Variants in MLH3 observed in about 807,000 individuals in gnomAD.
MLH3 encodes mutL homolog 3.
MLH3 carries 82 observed loss-of-function variants against 122.2 expected under a neutral mutation model. The observed-to-expected ratio is 0.67, with a 90% CI of 0.56 to 0.81. The LOEUF (loss-of-function observed/expected upper bound fraction) is 0.81, where lower values mean the gene tolerates loss of function less well. MLH3 is among the 30% of genes least tolerant of loss of function. The probability of loss-of-function intolerance (pLI) is 0.00; values close to 1 mark genes in which losing one functional copy is unlikely to be tolerated. For missense variants in MLH3, 1,539 were observed against 1,714.5 expected (o/e 0.90, Z 1.81); for synonymous variants, 524 against 599.5 (o/e 0.87, Z 1.84).
chr14:75,032,279 G>C, intron 7 of MLH3, 100 bp from the exon 8 acceptor site: 1 of 777,926 alleles, frequency 1.3e-6, no homozygotes, highest in Non-Finnish European at 2.3e-6. Context: ...CTAATGCAAA[G>C]CAGAATGTTT....
At chr14:75,026,827 A>C (rs781631348) in intron 9 of MLH3, among the ~76,000 whole-genome samples, 1 of 152,170 alleles carries the variant, frequency 6.6e-6, no homozygotes, top group Non-Finnish European at 1.5e-5. Flanking sequence ...GGCTGGGTGC[A>C]GTGGCTCACA....
rs767139771 is a variant in MLH3 at position 75,047,061 on chromosome 14, G to C, written c.2595C>G (p.Asp865Glu). ...ELSLFNRKPL[D>E]LEKSSESLAS... ...CTAGTGATTCAGATGACTTCTCAAG[G>C]TCCAAAGGTTTTCTATTAAAGAGAG... The change falls in exon 2 of 13, where the codon GAC becomes GAG. Residue 865 changes from aspartate to glutamate, a missense_variant. Coordinates refer to ENST00000355774, the MANE Select transcript of MLH3 (RefSeq NM_001040108.2). 1 of 1,614,098 alleles carries C rather than the reference G, an allele frequency of 6.2e-7. No homozygotes were observed. Among genetic ancestry groups the C allele is most frequent in the South Asian group, 1.1e-5 (1 of 91,068 alleles).
At chr14:75,027,686 A>AAAAAAAAAAC (rs1566580490) in intron 9 of MLH3, among the ~76,000 whole-genome samples, 1 of 149,586 alleles carries the variant, frequency 6.7e-6, no homozygotes, top group Non-Finnish European at 1.5e-5. Context: ...AAAAAAAAAA[A>AAAAAAAAAAC]AAAAAAAACC....
chr14:75,045,395 G>T (rs117675368), intron 2 of MLH3, among the ~76,000 whole-genome samples: 2,198 of 152,250 alleles, frequency 0.014, 26 homozygotes, highest in Non-Finnish European at 0.024. Flanking sequence ...AACACATCAA[G>T]GAGATTTTAC....
intron 11 of MLH3, 36 bp from the exon 12 acceptor site, chr14:75,019,016 A>G: frequency 6.3e-7 from 1 of 1,598,344 alleles, no homozygotes. Flanking sequence ...GTTATAGTGT[A>G]TATAGTGGGA....
intron 9 of MLH3, 102 bp from the exon 10 acceptor site, chr14:75,023,120 C>T (rs1170549600): frequency 2.5e-5 from 33 of 1,344,046 alleles, no homozygotes; most frequent in Non-Finnish European, 3.5e-5. Flanking sequence ...ATCATGCCTC[C>T]TGAAAGAAAG....
intron 9 of MLH3, among the ~76,000 whole-genome samples, chr14:75,024,858 C>T (rs780574927): frequency 6.6e-6 from 1 of 152,156 alleles, no homozygotes; most frequent in Non-Finnish European, 1.5e-5. Flanking sequence ...TTTCTGGTTA[C>T]ATATTAGGGA....
In MLH3 at chr14:75,042,271, C is replaced by T. The variant is rs1034684616; in HGVS notation, c.3379+108G>A. On this transcript the variant is annotated intron_variant, in intron 3 of 12. Transcript: ENST00000355774. ...CAGGGCCGTGGGGAATTCCTGATTC[C>T]AGTACAGCACAGCTGGCACTGATCA... The T allele has an allele frequency of 3.3e-6, 3 of 919,740 alleles. No individual in the cohort carries two copies. The African/African-American group carries it at 4.9e-5, about 15-fold the overall frequency. 57.0% of individuals were successfully genotyped at this position (919,740 alleles called of 1,614,324 possible). A position where few individuals can be genotyped will look rare whatever the true frequency, so the allele number is the denominator to read the frequency against.
intron 8 of MLH3, among the ~76,000 whole-genome samples, 183 bp downstream of exon 8, chr14:75,031,885 G>A (rs1313000718): frequency 6.6e-6 from 1 of 152,234 alleles, no homozygotes; most frequent in Non-Finnish European, 1.5e-5. Flanking sequence ...CAAACAGCCT[G>A]TGGAGTCAGA....
At chr14:75,045,520 ATGTAGTAC>A (rs1892148481) in intron 2 of MLH3, among the ~76,000 whole-genome samples, 1 of 152,196 alleles carries the variant, frequency 6.6e-6, no homozygotes, top group Non-Finnish European at 1.5e-5. Flanking sequence ...AAGCTCATAA[ATGTAGTAC>A]TGTACTAAGC....
intron 6 of MLH3, among the ~76,000 whole-genome samples, chr14:75,036,971 C>A (rs943775191): frequency 6.6e-6 from 1 of 151,966 alleles, no homozygotes; most frequent in Admixed American, 6.6e-5. Flanking sequence ...CTCCACACTA[C>A]AACCAGAGCA....
At chr14:75,035,824 CA>C in intron 6 of MLH3, among the ~76,000 whole-genome samples, 1 of 151,996 alleles carries the variant, frequency 6.6e-6, no homozygotes, top group Non-Finnish European at 1.5e-5. Context: ...GCATCCCTTG[CA>C]AATGTGCTCA....
rs1889782936 is a variant in MLH3 at position 75,014,157 on chromosome 14, GCTTCCT to G, written c.*2919_*2924del. On this transcript the variant is annotated 3_prime_UTR_variant, in exon 13 of 13. Transcript: ENST00000355774. ...GCTGCATCTGTCCTTACTTGGCGTG[GCTTCCT>G]CAGCCCCCTCCACATCTCAAGAACG... 5.8e-6 allele frequency: 1 copy of G among 173,276 alleles called. No individual in the cohort carries two copies. The highest frequency in any genetic ancestry group is 2.4e-5 in the African/African-American group (1 of 42,084). The allele number at this position is 173,276 out of a possible 1,614,324, so 10.7% of individuals were successfully genotyped here. A position where few individuals can be genotyped will look rare whatever the true frequency, so the allele number is the denominator to read the frequency against.
At chr14:75,028,021 A>C (rs1890772868) in intron 9 of MLH3, among the ~76,000 whole-genome samples, 1 of 146,054 alleles carries the variant, frequency 6.8e-6, no homozygotes, top group East Asian at 2.0e-4. Context: ...CGAGTAGAGC[A>C]AAAAAAAAAA....
intron 6 of MLH3, among the ~76,000 whole-genome samples, chr14:75,035,895 C>T (rs1200483228): frequency 6.6e-6 from 1 of 152,100 alleles, no homozygotes; most frequent in Non-Finnish European, 1.5e-5. Context: ...AGTCCCTCTT[C>T]CGTGTCATGG....
At position 75,016,962 on chromosome 14, in the gene MLH3, G is replaced by A. The variant is rs1889922137; in HGVS notation, c.*120C>T. 2.6e-6 allele frequency: 3 copies of A among 1,168,160 alleles called. No individual in the cohort carries two copies. The highest frequency in any genetic ancestry group is 3.8e-6 in the Non-Finnish European group (3 of 781,700). The allele number at this position is 1,168,160 out of a possible 1,614,324, so 72.4% of individuals were successfully genotyped here. On this transcript the variant is annotated 3_prime_UTR_variant, in exon 13 of 13. Transcript: ENST00000355774. ...TGATACAGAGAGCCCTGCTGTCTAA[G>A]CTGCTCAGGGACACTGGGCTGATTC...
At chr14:75,024,244 C>G (rs1367752854) in intron 9 of MLH3, among the ~76,000 whole-genome samples, 2 of 152,086 alleles carry the variant, frequency 1.3e-5, no homozygotes, top group Non-Finnish European at 2.9e-5. Context: ...TCTTGTTGCC[C>G]AGGCTGGAGT....
At chr14:75,040,715 C>T (rs1224922832) in intron 4 of MLH3, among the ~76,000 whole-genome samples, 2 of 152,064 alleles carry the variant, frequency 1.3e-5, no homozygotes, top group Non-Finnish European at 2.9e-5. Flanking sequence ...AGAGAACATC[C>T]ATGCGGGGCC....
At chr14:75,044,089 CAA>C (rs56266478) in intron 2 of MLH3, among the ~76,000 whole-genome samples, 2 of 144,094 alleles carry the variant, frequency 1.4e-5, no homozygotes, top group Non-Finnish European at 3.0e-5. Flanking sequence ...AACTCCGTCT[CAA>C]AAAAAAAAAA....
Sources: allele counts gnomAD v4.1 joint callset (sites outside exome capture counted in the v4.1 genomes callset), GRCh38; gene constraint gnomAD v4.1.1; transcripts MANE v1.5; gene names NCBI Gene and HGNC (gene_info 2026-07-23, HGNC 2026-07-21).